The following ZNF565 variants were observed in gnomAD, a reference collection of about 807,000 sequenced individuals.
The protein encoded by ZNF565 is zinc finger protein 565.
Under a neutral mutation model 39.4 loss-of-function variants are expected in ZNF565, and 27 were observed. That is an observed-to-expected ratio of 0.69 (90% CI 0.51 to 0.95). The LOEUF (loss-of-function observed/expected upper bound fraction) is 0.95. Among genes scored for constraint, ZNF565 ranks in the 40% least tolerant of loss-of-function variants. The pLI is 0.00. For missense variants in ZNF565, 524 were observed against 621.1 expected, an observed-to-expected ratio of 0.84 and a Z score of 1.66; for synonymous variants, 185 against 216.6, an observed-to-expected ratio of 0.85 and a Z score of 1.28.
At chr19:36,234,150 C>T (rs535180142) in intron 1 of ZNF565, among the ~76,000 whole-genome samples, 9 of 152,312 alleles carry the variant, frequency 5.9e-5, no homozygotes, top group Admixed American at 2.0e-4. Context: ...GCCCTTAATC[C>T]ATTTAACGCT....
chr19:36,203,951 CTTT>C (rs200748754), intron 1 of ZNF565, among the ~76,000 whole-genome samples: 14 of 138,012 alleles, frequency 1.0e-4, no homozygotes, highest in African/African-American at 2.7e-4. Flanking sequence ...AAAAGAAATA[CTTT>C]TTTTTTTTTT....
At chr19:36,210,879 C>T (rs559378119) in intron 1 of ZNF565, among the ~76,000 whole-genome samples, 27 of 151,944 alleles carry the variant, frequency 1.8e-4, no homozygotes, top group East Asian at 7.7e-4. Context: ...ACCACATCAA[C>T]GTGGAACACC....
intron 1 of ZNF565, among the ~76,000 whole-genome samples, chr19:36,206,459 G>GA (rs137958051): frequency 0.04 from 5,854 of 145,140 alleles, 374 homozygotes; most frequent in African/African-American, 0.14. Context: ...AAAATTTGAA[G>GA]AAAAAAAAAA....
chr19:36,202,152 C>T, intron 1 of ZNF565, 102 bp from the exon 2 acceptor site: 2 of 681,122 alleles, frequency 2.9e-6, no homozygotes, highest in Non-Finnish European at 5.2e-6. Context: ...CTTCCAATGT[C>T]TCGGATCTGC....
chr19:36,226,396 T>TG (rs970722430), intron 1 of ZNF565, among the ~76,000 whole-genome samples: 1 of 152,160 alleles, frequency 6.6e-6, no homozygotes, highest in African/African-American at 2.4e-5. Context: ...ACATAGTGGA[T>TG]GGGGGGTATA....
chr19:36,200,846 G>A (rs141041044), intron 2 of ZNF565, among the ~76,000 whole-genome samples: 1,958 of 151,948 alleles, frequency 0.013, 28 homozygotes, highest in South Asian at 0.041. Flanking sequence ...GTGCAGTGGC[G>A]TGATCTCTGC....
At chr19:36,235,949 T>C (rs1977629529) in intron 1 of ZNF565, 1 of 155,040 alleles carries the variant, frequency 6.4e-6, no homozygotes, top group East Asian at 1.9e-4. Flanking sequence ...CTTATGGTAT[T>C]AACCCCCTTT....
intron 1 of ZNF565, among the ~76,000 whole-genome samples, chr19:36,234,866 G>A (rs1977579359): frequency 6.6e-6 from 1 of 152,130 alleles, no homozygotes; most frequent in East Asian, 1.9e-4. Flanking sequence ...TCATATGAAG[G>A]TGTGTCCAGT....
chr19:36,196,044 C>A (rs967586791), intron 2 of ZNF565, among the ~76,000 whole-genome samples: 1 of 151,266 alleles, frequency 6.6e-6, no homozygotes, highest in African/African-American at 2.4e-5. Flanking sequence ...TCAAGCAATT[C>A]TTCTGCTTCA....
chr19:36,187,319 C>G (rs1568410871), intron 4 of ZNF565, among the ~76,000 whole-genome samples: 2 of 151,940 alleles, frequency 1.3e-5, no homozygotes, highest in Non-Finnish European at 2.9e-5. Flanking sequence ...CACCTAATAG[C>G]CTCCTAATAT....
chr19:36,223,945 G>T (rs897464516), intron 1 of ZNF565, among the ~76,000 whole-genome samples: 63 of 152,180 alleles, frequency 4.1e-4, no homozygotes, highest in Admixed American at 2.6e-3. Flanking sequence ...GGCTTCCCAA[G>T]TCAGAGCAAT....
intron 1 of ZNF565, chr19:36,236,657 G>A: frequency 1.9e-6 from 3 of 1,614,148 alleles, no homozygotes; most frequent in East Asian, 2.2e-5. Context: ...GAAGCTTTTC[G>A]AATGTAATGA....
chr19:36,185,417 A>C (rs1975256456), intron 4 of ZNF565, among the ~76,000 whole-genome samples: 1 of 150,692 alleles, frequency 6.6e-6, no homozygotes, highest in Admixed American at 6.6e-5. Context: ...CTGTCTCAAA[A>C]AAAAAAAAAA....
At chr19:36,201,947 ATTC>A in intron 2 of ZNF565, 27 bp downstream of exon 2, 1 of 1,612,576 alleles carries the variant, frequency 6.2e-7, no homozygotes, top group East Asian at 2.2e-5. Context: ...AAGACAGATC[ATTC>A]TAAGGATAGA....
Position 36,199,506 on chromosome 19 carries a change from C to CTTTTT in ZNF565, c.9+2466_9+2470dup, listed in dbSNP as rs1183093969. Among the ~76,000 whole-genome samples the CTTTTT allele has an allele frequency of 6.6e-4, 85 of 128,914 alleles. 3 individuals carry two copies. The highest frequency in any genetic ancestry group is 1.5e-3 in the South Asian group (6 of 4,046). 84.6% of individuals were successfully genotyped at this position (128,914 alleles called of 152,430 possible). ...CTTTTAAATGAATTTCTTTCTTTCT[C>CTTTTT]TTTTTTTTTTTTTTTTTTTGAGACA... On this transcript the variant is annotated intron_variant, in intron 2 of 4. Coordinates refer to ENST00000304116, the MANE Select transcript of ZNF565 (RefSeq NM_152477.5).
At chr19:36,184,418 C>T (rs1485308365) in intron 4 of ZNF565, among the ~76,000 whole-genome samples, 1 of 151,884 alleles carries the variant, frequency 6.6e-6, no homozygotes, top group Non-Finnish European at 1.5e-5. Flanking sequence ...GGCACTGCTA[C>T]CACACCCAGC....
upstream of ZNF565, among the ~76,000 whole-genome samples, chr19:36,218,950 G>A (rs903600738): frequency 2.0e-5 from 3 of 150,884 alleles, no homozygotes; most frequent in African/African-American, 7.3e-5. Flanking sequence ...CTGGGACTAC[G>A]GGCGCCCACC....
rs1599934183 is a variant in ZNF565 at position 36,202,403 on chromosome 19, C to T, written c.-65-353G>A. ...ACAAAAAACAAAACAACAACAACAA[C>T]AACAAAAAAAAACTGCAGAGTTAAG... On this transcript the variant is annotated intron_variant, in intron 1 of 4. Transcript: ENST00000304116. 2.8e-4 allele frequency among the ~76,000 whole-genome samples: 4 copies of T among 14,504 alleles called. No individual in the cohort carries two copies. The South Asian group carries it at 0.012, about 42-fold the overall frequency. 9.5% of individuals were successfully genotyped at this position (14,504 alleles called of 152,430 possible).
chr19:36,236,356 T>TA, intron 1 of ZNF565: 1 of 1,474,146 alleles, frequency 6.8e-7, no homozygotes, highest in Non-Finnish European at 9.1e-7. Flanking sequence ...GATGTGGAAA[T>TA]ATCTTCAGCC....
Sources: gnomAD v4.1 joint callset for allele counts (sites outside exome capture counted in the v4.1 genomes callset) on GRCh38, gnomAD v4.1.1 for gene constraint, MANE v1.5 for transcripts, NCBI Gene and HGNC (gene_info 2026-07-23, HGNC 2026-07-21) for gene names.